The following CLVS1 variants were observed in gnomAD, a reference collection of about 807,000 sequenced individuals.
CLVS1 encodes clavesin 1.
In CLVS1, 10 loss-of-function variants were observed where a neutral mutation model predicts 33.1. That is an observed-to-expected ratio of 0.30 (90% CI 0.19 to 0.51). The LOEUF (loss-of-function observed/expected upper bound fraction) is 0.51, where lower values mean the gene tolerates loss of function less well. Ranked by LOEUF, CLVS1 falls within the 20% of genes least tolerant of loss-of-function variation. The pLI, the probability that CLVS1 is intolerant of heterozygous loss-of-function variation, is 0.97. For synonymous variants in CLVS1, 163 were observed against 166.1 expected, an observed-to-expected ratio of 0.98 and a Z score of 0.14; for missense variants, 343 against 433.4, an observed-to-expected ratio of 0.79 and a Z score of 1.85.
intron 3 of CLVS1, among the ~76,000 whole-genome samples, chr8:61,400,572 G>A (rs1426407553): frequency 1.3e-5 from 2 of 152,100 alleles, no homozygotes; most frequent in Non-Finnish European, 2.9e-5. Flanking sequence ...ATTCAATGTT[G>A]ACGAGGAGTG....
intron 3 of CLVS1, chr8:61,377,551 T>C (rs990781266): frequency 6.6e-6 from 1 of 152,256 alleles, no homozygotes; most frequent in Non-Finnish European, 1.5e-5. Flanking sequence ...CCTCTCCCCA[T>C]AGACGGCAGT....
At position 61,251,736 on chromosome 8, in the gene CLVS1, A is replaced by G. The variant is rs547835735; in HGVS notation, c.-151-47941A>G. Among the ~76,000 whole-genome samples the G allele has an allele frequency of 5.3e-5, 8 of 152,196 alleles. No individual in the cohort carries two copies. The East Asian group carries it at 1.2e-3, about 22-fold the overall frequency. ...ATAGTATTCTCTGATGGTAGTTTGTATTTCTCTGGGATCAGTGGTGATATC... is the reference window on the plus strand; with the variant it reads ...ATAGTATTCTCTGATGGTAGTTTGTGTTTCTCTGGGATCAGTGGTGATATC... On this transcript the variant is annotated intron_variant, in intron 2 of 2. Transcript: ENST00000522621.
chr8:61,337,669 A>T (rs1051578071), intron 2 of CLVS1, among the ~76,000 whole-genome samples: 1 of 152,186 alleles, frequency 6.6e-6, no homozygotes, highest in Non-Finnish European at 1.5e-5. Context: ...CAACCATTTA[A>T]TCTGCAAAAC....
At chr8:61,098,616 T>C (rs1313210351) in intron 1 of CLVS1, among the ~76,000 whole-genome samples, 1 of 152,066 alleles carries the variant, frequency 6.6e-6, no homozygotes, top group African/African-American at 2.4e-5. Context: ...CTTGCAACAC[T>C]CCTGGGAGGT....
chr8:61,116,574 T>G lies in CLVS1; in HGVS notation c.-242-15196T>G, dbSNP rs1283608031. 5.9e-5 allele frequency among the ~76,000 whole-genome samples: 9 copies of G among 152,304 alleles called. No individual in the cohort carries two copies. The East Asian group carries it at 1.5e-3, about 26-fold the overall frequency. ...AAGGTGTAACAAAGGGATCCAGTTT[T>G]AGCTTTCTACATATGGCTAGCCAAT... On this transcript the variant is annotated intron_variant, in intron 1 of 2. Coordinates refer to the CLVS1 transcript ENST00000522621.
At chr8:61,225,660 C>G (rs373937418) in intron 2 of CLVS1, among the ~76,000 whole-genome samples, 1 of 152,082 alleles carries the variant, frequency 6.6e-6, no homozygotes. Context: ...AAAAAAAATC[C>G]TACTTTATTT....
intron 1 of CLVS1, among the ~76,000 whole-genome samples, chr8:61,089,656 C>T (rs1014235560): frequency 2.0e-5 from 3 of 152,136 alleles, no homozygotes; most frequent in Non-Finnish European, 4.4e-5. Context: ...TGGCGGTTCA[C>T]ACCTGTAATC....
At position 61,171,351 on chromosome 8, in the gene CLVS1, A is replaced by AT. The variant is rs572613750; in HGVS notation, c.-152+39499dup. 2.3e-4 allele frequency among the ~76,000 whole-genome samples: 35 copies of AT among 152,092 alleles called. No individual in the cohort carries two copies. The East Asian group carries it at 3.3e-3, about 14-fold the overall frequency. ...GTTGGAGGAGGGCCAATTTAAGTGG[A>AT]TTTTTTTTCTTTTAAATGAGAAATA... On this transcript the variant is annotated intron_variant, in intron 2 of 2. Coordinates refer to the CLVS1 transcript ENST00000522621.
intron 2 of CLVS1, among the ~76,000 whole-genome samples, chr8:61,139,230 ACGAGGGAGCGCC>A (rs1585637528): frequency 6.6e-6 from 1 of 152,090 alleles, no homozygotes; most frequent in East Asian, 2.0e-4. Context: ...TGAGACACGA[ACGAGGGAGCGCC>A]CGCGAGGCGC....
At chr8:61,367,300 G>A (rs939667940) in intron 2 of CLVS1, among the ~76,000 whole-genome samples, 4 of 152,162 alleles carry the variant, frequency 2.6e-5, no homozygotes, top group African/African-American at 7.2e-5. Context: ...TCACATTTCT[G>A]ATCTTATTTT....
chr8:61,316,761 G>T (rs940657708), intron 2 of CLVS1, among the ~76,000 whole-genome samples: 4 of 152,202 alleles, frequency 2.6e-5, no homozygotes, highest in Non-Finnish European at 4.4e-5. Flanking sequence ...GGACAGCACT[G>T]TGATGAGAGC....
intron 3 of CLVS1, among the ~76,000 whole-genome samples, chr8:61,429,096 T>C (rs1816011209): frequency 6.6e-6 from 1 of 152,110 alleles, no homozygotes; most frequent in Admixed American, 6.5e-5. Flanking sequence ...AAGGATCTTC[T>C]TGATGTGTCA....
intron 2 of CLVS1, among the ~76,000 whole-genome samples, chr8:61,355,801 T>C (rs1012849558): frequency 7.2e-5 from 11 of 152,224 alleles, no homozygotes; most frequent in Admixed American, 4.6e-4. Context: ...ATTTTCTTAA[T>C]CCAGTCTATC....
intron 5 of CLVS1, among the ~76,000 whole-genome samples, chr8:61,463,717 C>A (rs1462672735): frequency 2.0e-5 from 3 of 151,942 alleles, no homozygotes; most frequent in Admixed American, 2.0e-4. Context: ...AAAACAATTA[C>A]AATAGTAACA....
At chr8:61,105,117 A>T (rs1158705076) in intron 1 of CLVS1, among the ~76,000 whole-genome samples, 1 of 152,246 alleles carries the variant, frequency 6.6e-6, no homozygotes, top group African/African-American at 2.4e-5. Flanking sequence ...GGCATGAGCC[A>T]CTGCCCCCAG....
chr8:61,485,943 T>G (rs974887568), intron 5 of CLVS1, among the ~76,000 whole-genome samples: 4 of 151,938 alleles, frequency 2.6e-5, no homozygotes, highest in Non-Finnish European at 5.9e-5. Context: ...ACTGGGGCCT[T>G]TCGTGGGGTG....
intron 2 of CLVS1, among the ~76,000 whole-genome samples, chr8:61,218,488 C>T (rs1808138616): frequency 6.6e-6 from 1 of 151,740 alleles, no homozygotes; most frequent in African/African-American, 2.4e-5. Context: ...ACAGAATATA[C>T]TAGAGGCTGG....
chr8:61,410,804 G>A (rs1458697810), intron 3 of CLVS1, among the ~76,000 whole-genome samples: 2 of 152,070 alleles, frequency 1.3e-5, no homozygotes, highest in African/African-American at 4.8e-5. Context: ...ACCACAACCA[G>A]CTGATTTTTG....
At chr8:61,210,363 C>T (rs1391458929) in intron 2 of CLVS1, among the ~76,000 whole-genome samples, 1 of 152,200 alleles carries the variant, frequency 6.6e-6, no homozygotes, top group East Asian at 1.9e-4. Flanking sequence ...GGTCTTGGAC[C>T]CCCAGGCCTC....
Sources: gnomAD v4.1 joint callset for allele counts (sites outside exome capture counted in the v4.1 genomes callset) on GRCh38, gnomAD v4.1.1 for gene constraint, MANE v1.5 for transcripts, NCBI Gene and HGNC (gene_info 2026-07-23, HGNC 2026-07-21) for gene names.